UTRN: variants seen among roughly 807,000 people sequenced by gnomAD.
The protein encoded by UTRN is utrophin, also known as dystrophin-related protein 1.
Under a neutral mutation model 463.9 loss-of-function variants are expected in UTRN, and 283 were observed. The ratio of observed to expected loss-of-function variants is 0.61; its 90% CI spans 0.55 to 0.67. The LOEUF (loss-of-function observed/expected upper bound fraction) is 0.67, where lower values mean the gene tolerates loss of function less well. Ranked by LOEUF, UTRN falls within the 30% of genes least tolerant of loss-of-function variation. UTRN has a pLI of 0.00. For missense variants in UTRN, 3,922 were observed against 4,084.3 expected (o/e 0.96, Z 1.08); for synonymous variants, 1,442 against 1,431.5 (o/e 1.01, Z -0.17).
intron 46 of UTRN, among the ~76,000 whole-genome samples, chr6:144,543,172 G>A (rs988197263): frequency 2.6e-5 from 4 of 152,170 alleles, no homozygotes; most frequent in South Asian, 2.1e-4. Context: ...AAAAACTGGG[G>A]ACTAGTTTTC....
intron 3 of UTRN, among the ~76,000 whole-genome samples, chr6:144,419,529 A>C (rs1309751707): frequency 1.3e-5 from 2 of 152,208 alleles, no homozygotes; most frequent in African/African-American, 4.8e-5. Flanking sequence ...GAGGGGAACA[A>C]GGGTTGAAAA....
chr6:144,462,593 T>G lies in UTRN; in HGVS notation c.2854-61T>G, dbSNP rs560234104. The G allele has an allele frequency of 2.1e-4, 304 of 1,457,850 alleles. 11 individuals are homozygous for G. In the South Asian group the frequency reaches 3.1e-3, roughly 15 times the overall value. The allele number at this position is 1,457,850 out of a possible 1,614,324, so 90.3% of individuals were successfully genotyped here. A position where few individuals can be genotyped will look rare whatever the true frequency, so the allele number is the denominator to read the frequency against. ...GACTTTTGACTTTATATAGCCCATT[T>G]TACTATATCTGTGCAGACACATTTT... On this transcript the variant is annotated intron_variant, in intron 22 of 74. Transcript: ENST00000367545.
At chr6:144,405,981 T>A (rs1055441068) in intron 3 of UTRN, among the ~76,000 whole-genome samples, 1 of 152,248 alleles carries the variant, frequency 6.6e-6, no homozygotes, top group East Asian at 1.9e-4. Flanking sequence ...ACTAGGTAAG[T>A]TGTGGAAAAT....
intron 51 of UTRN, among the ~76,000 whole-genome samples, chr6:144,629,888 T>A (rs567020570): frequency 1.1e-3 from 165 of 152,282 alleles, no homozygotes; most frequent in Middle Eastern, 3.4e-3. Context: ...TTTAAAGCAT[T>A]CAAATGTGGC....
intron 18 of UTRN, among the ~76,000 whole-genome samples, chr6:144,452,126 C>G (rs1224112266): frequency 6.6e-6 from 1 of 152,152 alleles, no homozygotes; most frequent in African/African-American, 2.4e-5. Context: ...AAAAAATCAA[C>G]TTGTAAAAAG....
At chr6:144,665,005 T>G (rs1034551740) in intron 51 of UTRN, among the ~76,000 whole-genome samples, 17 of 152,176 alleles carry the variant, frequency 1.1e-4, no homozygotes, top group African/African-American at 3.6e-4. Flanking sequence ...GTGGATTTAT[T>G]TTCCTCTAAT....
intron 51 of UTRN, among the ~76,000 whole-genome samples, chr6:144,627,960 C>T (rs556388024): frequency 5.9e-5 from 9 of 151,886 alleles, no homozygotes; most frequent in African/African-American, 1.5e-4. Context: ...ACACCACTCC[C>T]GGCTAATTTT....
chr6:144,772,507 G>A (rs1300236724), intron 59 of UTRN, among the ~76,000 whole-genome samples: 2 of 152,130 alleles, frequency 1.3e-5, no homozygotes, highest in African/African-American at 4.8e-5. Flanking sequence ...AAAAAGAGTT[G>A]ATTTACAGGG....
chr6:144,516,018 C>T (rs1002356524), intron 37 of UTRN, among the ~76,000 whole-genome samples: 6 of 152,164 alleles, frequency 3.9e-5, no homozygotes, highest in African/African-American at 1.4e-4. Context: ...ACGTCACATC[C>T]CTGGCTAGAG....
chr6:144,827,644 C>T lies in UTRN; in HGVS notation c.9567C>T (p.Asp3189=), dbSNP rs778532293. 6.2e-7 allele frequency: 1 copy of T among 1,613,652 alleles called. No homozygotes were observed. Among genetic ancestry groups the T allele is most frequent in the South Asian group, 1.1e-5 (1 of 91,072 alleles). ...PSQSPQLFHD[D]THSRIEQYAT... is the part of the protein sequence containing the mutation. Reference sequence around the variant, plus strand: ...AATCTCCTCAACTGTTTCATGATGACACCCATTCAAGAATAGAACAATATG... The same window carrying T: ...AATCTCCTCAACTGTTTCATGATGATACCCATTCAAGAATAGAACAATATG... Residue 3189 remains aspartate (D), a synonymous_variant, in exon 68 of 75, where the codon GAC becomes GAT. Coordinates refer to ENST00000367545, the MANE Select transcript of UTRN (RefSeq NM_007124.3).
chr6:144,546,617 A>G lies in UTRN; in HGVS notation c.6596-2023A>G, dbSNP rs76071496. Among the ~76,000 whole-genome samples the G allele has an allele frequency of 2.6e-5, 4 of 152,048 alleles. No homozygotes were observed. In the South Asian group the frequency reaches 6.2e-4, roughly 24 times the overall value. On this transcript the variant is annotated intron_variant, in intron 46 of 74. Transcript: ENST00000367545. ...GGAGTTTGAGACCAGCCTGGGTAAC[A>G]TAGGGAGACCCTGTCTCTACAAAAA...
chr6:144,464,829 G>A (rs9484878), intron 23 of UTRN, among the ~76,000 whole-genome samples: 4,462 of 152,198 alleles, frequency 0.029, 222 homozygotes, highest in African/African-American at 0.1. Flanking sequence ...CCCACTTCTC[G>A]TTGTGTATTA....
intron 45 of UTRN, 23 bp from the exon 46 acceptor site, chr6:144,542,768 CTCTT>C (rs770938487): frequency 2.5e-6 from 4 of 1,603,420 alleles, no homozygotes; most frequent in African/African-American, 2.7e-5. Context: ...TAGTATTCTT[CTCTT>C]TCTGTTTGTC....
At chr6:144,684,238 C>T (rs560829741) in intron 52 of UTRN, among the ~76,000 whole-genome samples, 8 of 151,802 alleles carry the variant, frequency 5.3e-5, no homozygotes, top group African/African-American at 1.2e-4. Flanking sequence ...TTAGTAGAGA[C>T]GAGGTTTCAT....
At chr6:144,691,534 G>A (rs1783418902) in intron 52 of UTRN, among the ~76,000 whole-genome samples, 1 of 151,840 alleles carries the variant, frequency 6.6e-6, no homozygotes, top group Non-Finnish European at 1.5e-5. Flanking sequence ...CTAATCTTCA[G>A]TTACTTAAAC....
intron 51 of UTRN, among the ~76,000 whole-genome samples, chr6:144,672,090 G>A (rs1340945364): frequency 1.3e-5 from 2 of 152,006 alleles, no homozygotes; most frequent in Non-Finnish European, 2.9e-5. Context: ...TTGCATCTGT[G>A]TTTATCAGTG....
chr6:144,436,901 A>G (rs930064491), intron 10 of UTRN, among the ~76,000 whole-genome samples: 1 of 144,014 alleles, frequency 6.9e-6, no homozygotes, highest in South Asian at 2.1e-4. Context: ...TTTATATATA[A>G]TCTATTTATA....
chr6:144,301,897 A>G (rs916376103), intron 2 of UTRN, among the ~76,000 whole-genome samples: 7 of 151,924 alleles, frequency 4.6e-5, no homozygotes, highest in African/African-American at 1.7e-4. Context: ...ACCATGAAGG[A>G]GGCAGAGGGC....
chr6:144,376,355 T>A (rs1780461089), intron 2 of UTRN, among the ~76,000 whole-genome samples: 1 of 151,574 alleles, frequency 6.6e-6, no homozygotes, highest in Non-Finnish European at 1.5e-5. Flanking sequence ...CTCAGGAGGC[T>A]GAGGCAGGAG....
Sources: allele counts gnomAD v4.1 joint callset (sites outside exome capture counted in the v4.1 genomes callset), GRCh38; gene constraint gnomAD v4.1.1; transcripts MANE v1.5; gene names NCBI Gene and HGNC (gene_info 2026-07-23, HGNC 2026-07-21).